The following ICA1 variants were observed in gnomAD, a reference collection of about 807,000 sequenced individuals.
The protein encoded by ICA1 is 69 kDa islet cell autoantigen.
Under a neutral mutation model 71.0 loss-of-function variants are expected in ICA1, and 40 were observed. The ratio of observed to expected loss-of-function variants is 0.56; its 90% CI spans 0.44 to 0.73. The LOEUF (loss-of-function observed/expected upper bound fraction) is 0.73, where lower values mean the gene tolerates loss of function less well. Among genes scored for constraint, ICA1 ranks in the 30% least tolerant of loss-of-function variants. ICA1 has a pLI of 0.00. For synonymous variants in ICA1, 207 were observed against 209.5 expected (o/e 0.99, Z 0.10); for missense variants, 578 against 576.5 (o/e 1.00, Z -0.03).
chr7:8,221,420 G>A, intron 4 of ICA1, 22 bp from the exon 5 acceptor site: 1 of 1,612,204 alleles, frequency 6.2e-7, no homozygotes, highest in Non-Finnish European at 8.5e-7. Flanking sequence ...AAGACCAAAA[G>A]GAGCCATGAA....
At chr7:8,117,654 G>C (rs886212392) in intron 13 of ICA1, among the ~76,000 whole-genome samples, 1 of 152,140 alleles carries the variant, frequency 6.6e-6, no homozygotes, top group Non-Finnish European at 1.5e-5. Context: ...ATCACTGTTG[G>C]GATCATTGTG....
chr7:8,117,108 C>A (rs1274870885), intron 13 of ICA1, among the ~76,000 whole-genome samples: 2 of 152,230 alleles, frequency 1.3e-5, no homozygotes, highest in Non-Finnish European at 2.9e-5. Flanking sequence ...TTGCTCCACA[C>A]TTCTCCTTCC....
At position 8,131,532 on chromosome 7, in the gene ICA1, A is replaced by G. The variant is rs146208755; in HGVS notation, c.1061-3390T>C. ...ATTTAGCCTTTTATTTGGCTTCTTG[A>G]TTATTCAACAGCTAACAGGCCACAC... On this transcript the variant is annotated intron_variant, in intron 12 of 13. Transcript: ENST00000402384. Among the ~76,000 whole-genome samples, 288 of 152,288 alleles carry G rather than the reference A, an allele frequency of 1.9e-3. 1 individual carries two copies. Among genetic ancestry groups the G allele is most frequent in the African/African-American group, 6.4e-3 (264 of 41,556 alleles).
intron 1 of ICA1, among the ~76,000 whole-genome samples, chr7:8,239,441 C>T (rs764529694): frequency 3.3e-5 from 5 of 152,142 alleles, no homozygotes; most frequent in Non-Finnish European, 5.9e-5. Flanking sequence ...CCAAGACGGC[C>T]GAATAGGAAT....
At chr7:8,253,802 T>C (rs1227213833) in intron 1 of ICA1, among the ~76,000 whole-genome samples, 3 of 152,170 alleles carry the variant, frequency 2.0e-5, no homozygotes, top group African/African-American at 7.2e-5. Context: ...ACCAATCCCC[T>C]GTGTATACAG....
chr7:8,130,676 G>T lies in ICA1; in HGVS notation c.1061-2534C>A, dbSNP rs1791114329. ...GTTCCTTCTACAGTCGCTTTATACA[G>T]CCCTCCACTAAGTCAAACCCTCAGG... On this transcript the variant is annotated intron_variant, in intron 12 of 13. Coordinates refer to ENST00000402384, the MANE Select transcript of ICA1 (RefSeq NM_001136020.3). This position sits in a 1 kb window ranked among gnomAD's most constrained non-coding sequence, Gnocchi z 4.2. Among the ~76,000 whole-genome samples the T allele has an allele frequency of 6.6e-6, 1 of 152,116 alleles. No individual in the cohort carries two copies. The highest frequency in any genetic ancestry group is 2.4e-5 in the African/African-American group (1 of 41,414).
chr7:8,217,224 C>T (rs140477613), intron 6 of ICA1, among the ~76,000 whole-genome samples: 17 of 152,250 alleles, frequency 1.1e-4, no homozygotes, highest in African/African-American at 3.9e-4. Context: ...AGAACATCTG[C>T]GATCAGAAAT....
At chr7:8,210,516 T>C (rs1793299130) in intron 6 of ICA1, among the ~76,000 whole-genome samples, 1 of 152,102 alleles carries the variant, frequency 6.6e-6, no homozygotes, top group Admixed American at 6.5e-5. Context: ...TGAAAGTACA[T>C]CCAGTAGGAA....
intron 6 of ICA1, among the ~76,000 whole-genome samples, chr7:8,190,981 T>G (rs1785393214): frequency 6.6e-6 from 1 of 152,166 alleles, no homozygotes; most frequent in Non-Finnish European, 1.5e-5. Context: ...GGAACATGAC[T>G]CCAGTATGAT....
At chr7:8,230,363 A>C (rs1447444992) in intron 3 of ICA1, among the ~76,000 whole-genome samples, 1 of 152,240 alleles carries the variant, frequency 6.6e-6, no homozygotes, top group African/African-American at 2.4e-5. Flanking sequence ...CTTGGTTTAT[A>C]AGTTAGCCTT....
At chr7:8,152,553 T>TCCACCA (rs1228620631) in intron 8 of ICA1, among the ~76,000 whole-genome samples, 5 of 27,078 alleles carry the variant, frequency 1.8e-4, no homozygotes, top group African/African-American at 2.8e-4. Flanking sequence ...CATCACCACC[T>TCCACCA]CCACCACCAC....
chr7:8,143,826 C>T (rs898170157), intron 9 of ICA1, 49 bp downstream of exon 9: 4 of 1,227,034 alleles, frequency 3.3e-6, no homozygotes, highest in Non-Finnish European at 3.6e-6. Context: ...AACCACATAA[C>T]TCTCACCTGT....
intron 6 of ICA1, among the ~76,000 whole-genome samples, chr7:8,206,014 C>T (rs964933357): frequency 3.3e-5 from 5 of 152,152 alleles, no homozygotes; most frequent in South Asian, 2.1e-4. Flanking sequence ...TCCCCCTCCC[C>T]CTTCGTTCTT....
chr7:8,113,728 A>G lies in ICA1; in HGVS notation c.*195T>C, dbSNP rs925858473. ...ACAATCCTGTATTATTTAGATCCAC[A>G]TAGAGATACACGAAAACCCTTTATA... On this transcript the variant is annotated 3_prime_UTR_variant, in exon 14 of 14. Transcript: ENST00000402384. The surrounding 1 kb of genome is among the most constrained non-coding windows in gnomAD (Gnocchi z 4.2). The G allele has an allele frequency of 6.2e-5, 35 of 565,724 alleles. No individual in the cohort carries two copies. Among genetic ancestry groups the G allele is most frequent in the Non-Finnish European group, 9.9e-5 (32 of 324,174 alleles). 35.0% of individuals were successfully genotyped at this position (565,724 alleles called of 1,614,324 possible). A position where few individuals can be genotyped will look rare whatever the true frequency, so the allele number is the denominator to read the frequency against.
intron 9 of ICA1, among the ~76,000 whole-genome samples, chr7:8,143,486 C>T (rs1273717198): frequency 2.0e-5 from 3 of 152,148 alleles, no homozygotes; most frequent in Non-Finnish European, 4.4e-5. Context: ...GAGAGAAAAG[C>T]CAGGGGATTT....
intron 8 of ICA1, among the ~76,000 whole-genome samples, chr7:8,145,774 A>G (rs1343246179): frequency 7.7e-6 from 1 of 129,040 alleles, no homozygotes. Flanking sequence ...ATATGTATAT[A>G]AAATATATAG....
chr7:8,129,378 A>ATTTT (rs1262253733), intron 12 of ICA1, among the ~76,000 whole-genome samples: 3 of 143,626 alleles, frequency 2.1e-5, no homozygotes, highest in African/African-American at 5.1e-5. Flanking sequence ...TTTTTTTTTA[A>ATTTT]AAAAAAAAAA....
At chr7:8,164,132 C>T (rs562998839) in intron 6 of ICA1, among the ~76,000 whole-genome samples, 49 of 151,810 alleles carry the variant, frequency 3.2e-4, no homozygotes, top group African/African-American at 1.2e-3. Flanking sequence ...TGGTGAAACC[C>T]CGTCTCTACT....
At chr7:8,200,306 T>TA (rs1387432489) in intron 6 of ICA1, among the ~76,000 whole-genome samples, 1 of 102,636 alleles carries the variant, frequency 9.7e-6, no homozygotes, top group African/African-American at 3.8e-5. Flanking sequence ...TAGGGCTTCT[T>TA]AAAGTCTTTG....
Sources: gnomAD v4.1 joint callset for allele counts (sites outside exome capture counted in the v4.1 genomes callset) on GRCh38, gnomAD v4.1.1 for gene constraint, Gnocchi (gnomAD v3.1) non-coding constraint, MANE v1.5 for transcripts, NCBI Gene and HGNC (gene_info 2026-07-23, HGNC 2026-07-21) for gene names.